Variants in FHIT observed in about 807,000 individuals in gnomAD.
FHIT encodes bis(5'-adenosyl)-triphosphatase.
A neutral mutation model predicts 17.9 loss-of-function variants in FHIT; 19 were observed. The ratio of observed to expected loss-of-function variants is 1.06; its 90% CI spans 0.74 to 1.56. The LOEUF is 1.56. Ranked by LOEUF, FHIT falls within the 40% of genes most tolerant of loss-of-function variation. The pLI, the probability that FHIT is intolerant of heterozygous loss-of-function variation, is 0.00. For missense variants in FHIT, 248 were observed against 189.2 expected, an observed-to-expected ratio of 1.31 and a Z score of -1.82; for synonymous variants, 81 against 69.7, an observed-to-expected ratio of 1.16 and a Z score of -0.81.
intron 5 of FHIT, among the ~76,000 whole-genome samples, chr3:60,262,680 C>T (rs1394692595): frequency 2.0e-5 from 3 of 151,816 alleles, no homozygotes; most frequent in African/African-American, 7.3e-5. Context: ...TCTTTTTACC[C>T]CTAAAACTGC....
chr3:60,149,562 G>A (rs1237799232), intron 5 of FHIT, among the ~76,000 whole-genome samples: 2 of 151,972 alleles, frequency 1.3e-5, no homozygotes, highest in Non-Finnish European at 2.9e-5. Flanking sequence ...TGCTTTAGAG[G>A]GTAGGTAGCC....
chr3:60,273,113 T>C (rs537510214), intron 5 of FHIT, among the ~76,000 whole-genome samples: 1 of 152,334 alleles, frequency 6.6e-6, no homozygotes, highest in Non-Finnish European at 1.5e-5. Context: ...AGAACATCTA[T>C]GGTGAGAAAT....
chr3:60,672,675 G>A (rs182808822), intron 4 of FHIT, among the ~76,000 whole-genome samples: 11 of 152,276 alleles, frequency 7.2e-5, no homozygotes, highest in African/African-American at 2.4e-4. Context: ...GACAATCTAT[G>A]ACTATTAATT....
At chr3:59,817,031 G>A (rs990765625) in intron 8 of FHIT, among the ~76,000 whole-genome samples, 1 of 152,178 alleles carries the variant, frequency 6.6e-6, no homozygotes, top group Non-Finnish European at 1.5e-5. Flanking sequence ...CAGGGAGCAG[G>A]TAGAAGCAGA....
At chr3:60,723,737 G>A (rs996676448) in intron 4 of FHIT, among the ~76,000 whole-genome samples, 4 of 152,140 alleles carry the variant, frequency 2.6e-5, no homozygotes, top group African/African-American at 9.7e-5. Context: ...AGATAACAAT[G>A]CTGAGTCCTA....
intron 5 of FHIT, among the ~76,000 whole-genome samples, chr3:60,324,045 A>C (rs1709558728): frequency 6.6e-6 from 1 of 152,152 alleles, no homozygotes; most frequent in African/African-American, 2.4e-5. Flanking sequence ...AATCTTATTA[A>C]CAATAGAAGC....
chr3:59,957,479 C>A (rs2107330959), intron 7 of FHIT, among the ~76,000 whole-genome samples: 1 of 152,322 alleles, frequency 6.6e-6, no homozygotes, highest in Non-Finnish European at 1.5e-5. Context: ...TTTGTTATAT[C>A]TACCATAAAA....
chr3:60,494,453 A>G (rs564438602), intron 5 of FHIT, among the ~76,000 whole-genome samples: 1 of 151,822 alleles, frequency 6.6e-6, no homozygotes, highest in Non-Finnish European at 1.5e-5. Flanking sequence ...TCAAGCATTT[A>G]TCCTTTGTGT....
chr3:60,204,928 C>T (rs1180651298), intron 5 of FHIT, among the ~76,000 whole-genome samples: 1 of 151,502 alleles, frequency 6.6e-6, no homozygotes. Flanking sequence ...CCCATTTCTA[C>T]CAAAAAAAAC....
chr3:60,175,876 C>G, intron 5 of FHIT, among the ~76,000 whole-genome samples: 1 of 152,124 alleles, frequency 6.6e-6, no homozygotes, highest in Non-Finnish European at 1.5e-5. Flanking sequence ...GAAACCATGA[C>G]TCAGTCTGAA....
intron 5 of FHIT, among the ~76,000 whole-genome samples, chr3:60,090,865 G>A (rs928352561): frequency 2.3e-4 from 35 of 152,180 alleles, no homozygotes; most frequent in African/African-American, 8.4e-4. Context: ...TGAGCTCTGG[G>A]GTCGGGGTAA....
chr3:59,957,618 C>A (rs1219926707), intron 7 of FHIT, among the ~76,000 whole-genome samples: 1 of 152,166 alleles, frequency 6.6e-6, no homozygotes, highest in Non-Finnish European at 1.5e-5. Flanking sequence ...AATAACATCT[C>A]AGGAGCAAAT....
intron 3 of FHIT, among the ~76,000 whole-genome samples, chr3:60,977,460 C>T (rs1710309177): frequency 6.6e-6 from 1 of 152,326 alleles, no homozygotes; most frequent in East Asian, 1.9e-4. Context: ...AAAACCTACA[C>T]AGCTATTGTC....
At chr3:60,388,832 A>T (rs1236059214) in intron 5 of FHIT, among the ~76,000 whole-genome samples, 1 of 152,110 alleles carries the variant, frequency 6.6e-6, no homozygotes, top group Non-Finnish European at 1.5e-5. Flanking sequence ...AGGGCTAGGG[A>T]CTACTGTCAT....
chr3:61,005,475 C>T (rs984559006), intron 3 of FHIT, among the ~76,000 whole-genome samples: 8 of 151,870 alleles, frequency 5.3e-5, no homozygotes, highest in Non-Finnish European at 8.8e-5. Flanking sequence ...ATTATGGCAG[C>T]GGTGACAAAT....
intron 3 of FHIT, among the ~76,000 whole-genome samples, chr3:60,919,798 G>A (rs1553767890): frequency 3.9e-5 from 6 of 152,160 alleles, no homozygotes; most frequent in Non-Finnish European, 2.9e-5. Context: ...CACTTTGGGA[G>A]GCCGAGATAG....
chr3:60,452,012 G>T (rs1052387746), intron 5 of FHIT, among the ~76,000 whole-genome samples: 1 of 152,116 alleles, frequency 6.6e-6, no homozygotes, highest in Admixed American at 6.6e-5. Context: ...CTCAAGACTT[G>T]TAATTTTCTA....
At chr3:60,155,470 G>T (rs531061328) in intron 5 of FHIT, among the ~76,000 whole-genome samples, 109 of 152,206 alleles carry the variant, frequency 7.2e-4, no homozygotes, top group African/African-American at 2.4e-3. Context: ...ACTACTACCT[G>T]CCCAGTGTCC....
chr3:60,924,934 C>T (rs574399153), intron 3 of FHIT, among the ~76,000 whole-genome samples: 5 of 151,846 alleles, frequency 3.3e-5, no homozygotes, highest in African/African-American at 1.2e-4. Context: ...GTAGCCGATT[C>T]GATCAACTGG....
Sources: gnomAD v4.1 joint callset for allele counts (sites outside exome capture counted in the v4.1 genomes callset) on GRCh38, gnomAD v4.1.1 for gene constraint, MANE v1.5 for transcripts, NCBI Gene and HGNC (gene_info 2026-07-23, HGNC 2026-07-21) for gene names.